Variants in HIF3A observed in about 807,000 individuals in gnomAD.
HIF3A encodes hypoxia-inducible factor 3-alpha.
In HIF3A, 41 loss-of-function variants were observed where a neutral mutation model predicts 67.2. The ratio of observed to expected loss-of-function variants is 0.61; its 90% confidence interval spans 0.48 to 0.79. HIF3A has a LOEUF of 0.79. Among genes scored for constraint, HIF3A ranks in the 30% least tolerant of loss-of-function variants. The pLI, the probability that HIF3A is intolerant of heterozygous loss-of-function variation, is 0.00. For synonymous variants in HIF3A, 356 were observed against 374.8 expected (o/e 0.95, Z 0.58); for missense variants, 855 against 898.0 (o/e 0.95, Z 0.61).
At chr19:46,306,824 A>T (rs1568504438) in intron 3 of HIF3A, among the ~76,000 whole-genome samples, 1 of 152,138 alleles carries the variant, frequency 6.6e-6, no homozygotes, top group Non-Finnish European at 1.5e-5. Context: ...GCTACAAGAG[A>T]TGTTGTCAGA....
At chr19:46,306,534 T>C (rs921800494) in intron 3 of HIF3A, 9 of 152,260 alleles carry the variant, frequency 5.9e-5, no homozygotes, top group African/African-American at 2.2e-4. Flanking sequence ...TAATCTTCTC[T>C]GTATTATTCC....
Position 46,329,212 on chromosome 19 carries a change from T to C in HIF3A, c.1446T>C (p.Ala482=), listed in dbSNP as rs780485884. ...CTCCCTCCTGCCCTCCGCAGGATGCTGATGCTCTGGATTTGGAGATGCTGG... is the reference window on the plus strand; with the variant it reads ...CTCCCTCCTGCCCTCCGCAGGATGCCGATGCTCTGGATTTGGAGATGCTGG... ...VETDLDIAQD[A]DALDLEMLAP... The change falls in exon 12 of 15, where the codon GCT becomes GCC. Residue 482 remains alanine, a synonymous_variant. Transcript: ENST00000377670. 3 of 1,604,862 alleles carry C rather than the reference T, an allele frequency of 1.9e-6. No individual in the cohort carries two copies. The South Asian group carries it at 3.3e-5, about 18-fold the overall frequency.
chr19:46,317,083 AT>A (rs1009986355), intron 8 of HIF3A, among the ~76,000 whole-genome samples: 1 of 151,384 alleles, frequency 6.6e-6, no homozygotes, highest in African/African-American at 2.4e-5. Context: ...ACCATGCCTA[AT>A]TTTTTTTTGT....
chr19:46,324,996 T>TGTGC (rs1568534428), intron 10 of HIF3A, among the ~76,000 whole-genome samples: 1 of 143,774 alleles, frequency 7.0e-6, no homozygotes. Context: ...TGTGTGTGTG[T>TGTGC]GTGTGTGTGT....
chr19:46,331,809 C>T (rs532681063), intron 13 of HIF3A, among the ~76,000 whole-genome samples: 6 of 142,946 alleles, frequency 4.2e-5, no homozygotes, highest in Admixed American at 2.2e-4. Context: ...GAGCTGAGAT[C>T]GTGCCACTGC....
intron 11 of HIF3A, among the ~76,000 whole-genome samples, chr19:46,327,658 G>T (rs1157749822): frequency 1.3e-5 from 2 of 152,140 alleles, no homozygotes; most frequent in African/African-American, 4.8e-5. Flanking sequence ...ACACAAGTTT[G>T]AGGGTCCCCA....
rs1971186705 is a variant in HIF3A at position 46,331,185 on chromosome 19, A to G, written c.1742A>G (p.Asp581Gly). The G allele has an allele frequency of 6.2e-7, 1 of 1,613,994 alleles. No homozygotes were observed. Among genetic ancestry groups the G allele is most frequent in the African/African-American group, 1.3e-5 (1 of 75,000 alleles). ...CTGGCCCAGAGCTCAGAGGACGAGGACGAGGGAGTGGAGCTGCTGGGAGTG... is the reference window on the plus strand; with the variant it reads ...CTGGCCCAGAGCTCAGAGGACGAGGGCGAGGGAGTGGAGCTGCTGGGAGTG... Reference protein sequence around the residue: ...RTLAQSSEDEDEGVELLGVRP... With the variant: ...RTLAQSSEDEGEGVELLGVRP... The change falls in exon 13 of 15, where the codon GAC becomes GGC. Residue 581 changes from aspartate (D) to glycine (G), a missense_variant. By Grantham distance (94) the Asp-to-Gly change is moderately conservative. Around this residue, in one of 3 missense-constraint regions of HIF3A, gnomAD observed 199 missense variants for 193.8 expected, o/e 1.03. Transcript: ENST00000377670.
At chr19:46,306,642 T>C (rs1273091804) in intron 3 of HIF3A, 2 of 152,254 alleles carry the variant, frequency 1.3e-5, no homozygotes, top group Admixed American at 1.3e-4. Context: ...CCATTCTTTT[T>C]TCTATCTCAC....
chr19:46,322,962 C>G (rs137877944), intron 10 of HIF3A, among the ~76,000 whole-genome samples: 3,050 of 152,260 alleles, frequency 0.02, 59 homozygotes, highest in Middle Eastern at 0.037. Context: ...CAACCCAGTC[C>G]TCTTGGGTTT....
chr19:46,323,522 TA>T (rs1970540979), intron 10 of HIF3A, among the ~76,000 whole-genome samples: 3 of 152,178 alleles, frequency 2.0e-5, no homozygotes, highest in Admixed American at 6.5e-5. Flanking sequence ...ACTGTTCTAA[TA>T]AAAGACTGTT....
chr19:46,339,832 C>A lies in HIF3A; in HGVS notation c.*210C>A, dbSNP rs995956380. 2.4e-6 allele frequency: 1 copy of A among 409,804 alleles called. No homozygotes were observed. Among genetic ancestry groups the A allele is most frequent in the Non-Finnish European group, 4.3e-6 (1 of 232,314 alleles). The allele number at this position is 409,804 out of a possible 1,614,324, so 25.4% of individuals were successfully genotyped here. A position where few individuals can be genotyped will look rare whatever the true frequency, so the allele number is the denominator to read the frequency against. On this transcript the variant is annotated 3_prime_UTR_variant, in exon 15 of 15. Coordinates refer to ENST00000377670, the MANE Select transcript of HIF3A (RefSeq NM_152795.4). ...TCTGGGGTGGTCTCAGCTCAGTGAC[C>A]TCTGGGAGGTGGTCCCTGGCCCCCT...
chr19:46,333,501 T>C (rs1161786775), intron 13 of HIF3A, among the ~76,000 whole-genome samples: 1 of 152,034 alleles, frequency 6.6e-6, no homozygotes, highest in Non-Finnish European at 1.5e-5. Context: ...TACCTGCTGG[T>C]GTCTCCCATG....
At chr19:46,299,447 C>T (rs1456684740) in intron 1 of HIF3A, among the ~76,000 whole-genome samples, 1 of 152,142 alleles carries the variant, frequency 6.6e-6, no homozygotes, top group Non-Finnish European at 1.5e-5. Context: ...AGGCCGGGTG[C>T]GGTGGCTCAG....
chr19:46,303,538 C>A (rs1457516852), intron 1 of HIF3A: 6 of 1,346,806 alleles, frequency 4.5e-6, no homozygotes, highest in Admixed American at 2.5e-5. Context: ...GCTCAGCCAG[C>A]CCCCTCCCAG....
In HIF3A at chr19:46,308,779, C is replaced by T. The variant is rs746552420; in HGVS notation, c.561+4C>T. 65 of 1,580,242 alleles carry T rather than the reference C, an allele frequency of 4.1e-5. No homozygotes were observed. Among genetic ancestry groups the T allele is most frequent in the South Asian group, 4.0e-4 (35 of 87,952 alleles). On this transcript the variant is annotated splice_donor_region_variant and intron_variant, in intron 5 of 14. Coordinates refer to ENST00000377670, the MANE Select transcript of HIF3A (RefSeq NM_152795.4). The stretch of plus-strand genomic sequence containing the variant: ...CCTCAAGGCGGCCACCTGGAAGGTG[C>T]GTGGGGCCGGGCCAGAGGAGGGCGG...
chr19:46,308,511 G>A (rs1304892309), intron 4 of HIF3A, 152 bp from the exon 5 acceptor site: 1 of 634,092 alleles, frequency 1.6e-6, no homozygotes, highest in Admixed American at 2.9e-5. Context: ...GGGGGTCCAA[G>A]GGGACACATA....
intron 1 of HIF3A, 59 bp from the exon 2 acceptor site, chr19:46,303,839 T>G (rs1968555708): frequency 6.4e-7 from 1 of 1,561,190 alleles, no homozygotes; most frequent in East Asian, 2.4e-5. Flanking sequence ...CACGTGCTCG[T>G]CCCGTCCTCC....
At position 46,305,272 on chromosome 19, in the gene HIF3A, G is replaced by C; in HGVS notation, c.245G>C (p.Gly82Ala). ...AGEWNQVGAG[G>A]EPLDACYLKA... ...GAGTGGAACCAGGTGGGAGCAGGGG[G>C]AGAACCACTGGATGCCTGCTACCTG... Residue 82 changes from glycine to alanine, a missense_variant, in exon 3 of 15, where the codon GGA (glycine) becomes GCA (alanine). By Grantham distance (60) the Gly-to-Ala change is moderately conservative (BLOSUM62 0). This residue lies in a region of HIF3A where 638 missense variants were observed against 660.5 expected (regional missense o/e 0.97). Transcript: ENST00000377670. 6.2e-7 allele frequency: 1 copy of C among 1,614,080 alleles called. No individual in the cohort carries two copies. The highest frequency in any genetic ancestry group is 1.3e-5 in the African/African-American group (1 of 75,036).
rs1271945026 is a variant in HIF3A at position 46,302,067 on chromosome 19, AC to A, written c.27-1830del. ...ATATATACAATATAGTAGATGTAAC[AC>A]ATCATATAATAATTTTTTATTTTGC... On this transcript the variant is annotated intron_variant, in intron 1 of 14. Coordinates refer to ENST00000377670, the MANE Select transcript of HIF3A (RefSeq NM_152795.4). 8.5e-5 allele frequency among the ~76,000 whole-genome samples: 13 copies of A among 152,174 alleles called. No homozygotes were observed. The East Asian group carries it at 2.3e-3, about 27-fold the overall frequency.
Sources: gnomAD v4.1 joint callset for allele counts (sites outside exome capture counted in the v4.1 genomes callset) on GRCh38, gnomAD v4.1.1 for gene constraint, gnomAD v4.1.1 regional missense constraint, MANE v1.5 for transcripts, NCBI Gene and HGNC (gene_info 2026-07-23, HGNC 2026-07-21) for gene names.